Variants in PIK3C2G observed in about 807,000 individuals in gnomAD.
PIK3C2G encodes the protein phosphatidylinositol 3-kinase C2 domain-containing subunit gamma.
PIK3C2G carries 168 observed loss-of-function variants against 181.1 expected under a neutral mutation model. The ratio of observed to expected loss-of-function variants is 0.93; its 90% CI spans 0.82 to 1.05. PIK3C2G has a LOEUF of 1.05. Ranked by LOEUF, PIK3C2G falls within the 50% of genes least tolerant of loss-of-function variation. The probability of loss-of-function intolerance (pLI) is 0.00; values close to 1 mark genes in which losing one functional copy is unlikely to be tolerated. For synonymous variants in PIK3C2G, 573 were observed against 592.2 expected (o/e 0.97, Z 0.47); for missense variants, 1,869 against 1,732.8 (o/e 1.08, Z -1.40).
the PIK3C2G span, among the ~76,000 whole-genome samples, chr12:18,663,978 C>T: frequency 3.3e-5 from 5 of 152,098 alleles, no homozygotes; most frequent in African/African-American, 9.7e-5. Flanking sequence ...ATACAAATGG[C>T]TAGTAAGCAC....
the PIK3C2G span, among the ~76,000 whole-genome samples, chr12:18,707,998 C>T: frequency 2.0e-4 from 30 of 152,252 alleles, no homozygotes; most frequent in Non-Finnish European, 3.8e-4. Context: ...CACAGTTACC[C>T]TTTTTAAAAT....
intron 9 of PIK3C2G, among the ~76,000 whole-genome samples, chr12:18,340,749 C>T (rs760185453): frequency 9.9e-5 from 15 of 152,070 alleles, no homozygotes; most frequent in African/African-American, 1.9e-4. Flanking sequence ...AAAATAATTT[C>T]CTGAGTTCTT....
rs114958273 is a variant in PIK3C2G, at chr12:18,386,267, C to T, written c.1995+4387C>T. Among the ~76,000 whole-genome samples, 1,164 of 152,302 alleles carry T rather than the reference C, an allele frequency of 7.6e-3. 15 individuals are homozygous for T. Among genetic ancestry groups the T allele is most frequent in the African/African-American group, 0.027 (1,108 of 41,566 alleles). On this transcript the variant is annotated intron_variant, in intron 14 of 32. Coordinates refer to ENST00000538779, the MANE Select transcript of PIK3C2G (RefSeq NM_001288772.2). ...CTGGATGCTCTCATTCATTTAGTTT[C>T]TTTTAAAAAACAGCTTTCTTGAGAT...
At chr12:18,476,096 T>C (rs1178539346) in intron 18 of PIK3C2G, among the ~76,000 whole-genome samples, 1 of 152,126 alleles carries the variant, frequency 6.6e-6, no homozygotes, top group Non-Finnish European at 1.5e-5. Context: ...AAAAAATAAC[T>C]GTCAATAAGA....
chr12:18,664,833 A>G, the PIK3C2G span, among the ~76,000 whole-genome samples: 1 of 151,712 alleles, frequency 6.6e-6, no homozygotes, highest in African/African-American at 2.4e-5. Flanking sequence ...AGCCACAAAA[A>G]ATGATGAGTT....
chr12:18,698,032 A>G, the PIK3C2G span, among the ~76,000 whole-genome samples: 1 of 151,500 alleles, frequency 6.6e-6, no homozygotes, highest in Non-Finnish European at 1.5e-5. Flanking sequence ...TAATTAATTT[A>G]TGCTGTGCCT....
chr12:18,315,893 G>A (rs969247398), intron 6 of PIK3C2G, among the ~76,000 whole-genome samples: 4 of 87,542 alleles, frequency 4.6e-5, no homozygotes, highest in East Asian at 3.4e-4. Flanking sequence ...ATGCATCCAC[G>A]TGTGTGTGTG....
intron 31 of PIK3C2G, among the ~76,000 whole-genome samples, chr12:18,634,044 C>A (rs370546843): frequency 1.3e-5 from 2 of 152,108 alleles, no homozygotes; most frequent in Admixed American, 6.5e-5. Flanking sequence ...CATACACAGC[C>A]TTTTGTAGAA....
At chr12:18,670,840 G>C in the PIK3C2G span, among the ~76,000 whole-genome samples, 1 of 151,976 alleles carries the variant, frequency 6.6e-6, no homozygotes, top group Admixed American at 6.6e-5. Context: ...TCCTTTACTT[G>C]ATCAAATCAG....
intron 16 of PIK3C2G, among the ~76,000 whole-genome samples, chr12:18,419,478 T>A (rs958133259): frequency 1.4e-4 from 21 of 152,194 alleles, no homozygotes. Context: ...GTCAATCACA[T>A]TTAGTTAGGA....
At chr12:18,495,984 T>G (rs993208472) in intron 20 of PIK3C2G, 78 bp from the exon 21 acceptor site, 9 of 671,394 alleles carry the variant, frequency 1.3e-5, no homozygotes, top group East Asian at 3.1e-5. Flanking sequence ...GCTATGATTT[T>G]GGGGAAAAGG....
rs773446071 is a variant in PIK3C2G at position 18,505,304 on chromosome 12, T to A, written c.3166T>A (p.Phe1056Ile). 2.5e-6 allele frequency: 4 copies of A among 1,597,120 alleles called. No homozygotes were observed. In the Admixed American group the frequency reaches 5.2e-5, roughly 21 times the overall value. ...KADYEKALRN[F>I]FYSCAGWCVV... ...TTCAATGAATTAGGCCTTGAGGAAC[T>A]TTTTCTACTCCTGTGCTGGCTGGTG... The change falls in exon 24 of 33, where the codon TTT becomes ATT. Residue 1056 changes from phenylalanine to isoleucine, a missense_variant. Transcript: ENST00000538779.
At chr12:18,411,698 G>C (rs985911885) in intron 16 of PIK3C2G, among the ~76,000 whole-genome samples, 1 of 152,156 alleles carries the variant, frequency 6.6e-6, no homozygotes, top group African/African-American at 2.4e-5. Flanking sequence ...GCTTTTAGCT[G>C]TGAATAGCCT....
chr12:18,281,709 T>C (rs947985153), intron 1 of PIK3C2G, among the ~76,000 whole-genome samples: 2 of 152,040 alleles, frequency 1.3e-5, no homozygotes, highest in African/African-American at 2.4e-5. Flanking sequence ...TAAGTGGATA[T>C]TCAATAGAAA....
the PIK3C2G span, among the ~76,000 whole-genome samples, chr12:18,719,955 G>A: frequency 1.3e-5 from 2 of 152,144 alleles, no homozygotes; most frequent in Non-Finnish European, 2.9e-5. Flanking sequence ...CTGGCACACA[G>A]GTTGAGGAAC....
At chr12:18,275,876 A>T (rs1942865484) in intron 1 of PIK3C2G, among the ~76,000 whole-genome samples, 1 of 152,212 alleles carries the variant, frequency 6.6e-6, no homozygotes. Context: ...TCACTTTGAC[A>T]CACTGAAATC....
At chr12:18,286,347 G>A (rs749479919) in intron 2 of PIK3C2G, among the ~76,000 whole-genome samples, 3 of 151,892 alleles carry the variant, frequency 2.0e-5, no homozygotes, top group Admixed American at 6.6e-5. Context: ...ACAACTCAGA[G>A]GTTCATTAAT....
At chr12:18,286,750 G>A in intron 2 of PIK3C2G, 97 bp from the exon 3 acceptor site, 1 of 658,970 alleles carries the variant, frequency 1.5e-6, no homozygotes, top group Non-Finnish European at 2.5e-6. Context: ...AATTAAAAAT[G>A]AAGTCTGAAT....
rs569765125 is a variant in PIK3C2G at position 18,628,955 on chromosome 12, A to G, written c.4183-11474A>G. On this transcript the variant is annotated intron_variant, in intron 31 of 32. Transcript: ENST00000538779. ...AAAATAATCTGATAATTTAAGAAATATAAAATAATTTTTAAAACCACTATA... is the reference window on the plus strand; with the variant it reads ...AAAATAATCTGATAATTTAAGAAATGTAAAATAATTTTTAAAACCACTATA... Among the ~76,000 whole-genome samples the G allele has an allele frequency of 7.2e-4, 110 of 152,196 alleles. 2 individuals are homozygous for G. In the South Asian group the frequency reaches 0.022, roughly 31 times the overall value.
Sources: allele counts gnomAD v4.1 joint callset (sites outside exome capture counted in the v4.1 genomes callset), GRCh38; gene constraint gnomAD v4.1.1; transcripts MANE v1.5; gene names NCBI Gene and HGNC (gene_info 2026-07-23, HGNC 2026-07-21).